Variants in WNK2 observed in about 807,000 individuals in gnomAD.
WNK2 encodes WNK lysine deficient protein kinase 2.
In WNK2, 67 loss-of-function variants were observed where a neutral mutation model predicts 192.1. That is an observed-to-expected ratio of 0.35 (90% CI 0.29 to 0.43). The LOEUF is 0.43. Ranked by LOEUF, WNK2 falls within the 20% of genes least tolerant of loss-of-function variation. The pLI, the probability that WNK2 is intolerant of heterozygous loss-of-function variation, is 1.00. For synonymous variants in WNK2, 1,439 were observed against 1,393.9 expected (o/e 1.03, Z -0.72); for missense variants, 2,698 against 3,089.7 (o/e 0.87, Z 3.01).
chr9:93,306,488 T>C (rs1438762654), intron 26 of WNK2: 5 of 430,824 alleles, frequency 1.2e-5, no homozygotes, highest in Non-Finnish European at 2.0e-5. Context: ...TTCTTTTTTC[T>C]TTCTCTTTTA....
chr9:93,254,699 C>A (rs115266345), intron 9 of WNK2, among the ~76,000 whole-genome samples: 409 of 152,300 alleles, frequency 2.7e-3, no homozygotes, highest in African/African-American at 9.2e-3. Flanking sequence ...CGTGGTGGCT[C>A]ATGCCTGTAA....
In WNK2 at chr9:93,320,560, G is replaced by C; in HGVS notation, c.*168G>C. The C allele has an allele frequency of 2.7e-6, 2 of 752,766 alleles. No homozygotes were observed. The highest frequency in any genetic ancestry group is 3.8e-6 in the Non-Finnish European group (2 of 527,000). The allele number at this position is 752,766 out of a possible 1,614,324, so 46.6% of individuals were successfully genotyped here. The stretch of plus-strand genomic sequence containing the variant: ...GTAATGCAAGAATAAAAAATATTTT[G>C]GGGCAGAAAGGACTTTGGTTTTTCA... On this transcript the variant is annotated 3_prime_UTR_variant, in exon 30 of 30. Coordinates refer to ENST00000427277, the MANE Select transcript of WNK2 (RefSeq NM_006648.4).
At chr9:93,236,302 G>T (rs955179728) in intron 5 of WNK2, among the ~76,000 whole-genome samples, 1 of 152,142 alleles carries the variant, frequency 6.6e-6, no homozygotes, top group Non-Finnish European at 1.5e-5. Flanking sequence ...CCCTGGGGGT[G>T]TACACTACTG....
chr9:93,192,138 AC>A (rs1425661827), intron 2 of WNK2, among the ~76,000 whole-genome samples: 1 of 151,470 alleles, frequency 6.6e-6, no homozygotes, highest in Admixed American at 6.6e-5. Context: ...ACATGGTGAA[AC>A]CCCGTCTGTA....
At chr9:93,251,258 G>C (rs1284013387) in intron 8 of WNK2, among the ~76,000 whole-genome samples, 1 of 152,108 alleles carries the variant, frequency 6.6e-6, no homozygotes, top group Non-Finnish European at 1.5e-5. Context: ...TGGGACTACA[G>C]GTGTGTGCCA....
At chr9:93,219,374 C>T (rs1256567165) in intron 2 of WNK2, among the ~76,000 whole-genome samples, 1 of 152,248 alleles carries the variant, frequency 6.6e-6, no homozygotes, top group Non-Finnish European at 1.5e-5. Flanking sequence ...AAAGTGCACA[C>T]AAGGACAAAT....
intron 16 of WNK2, 121 bp downstream of exon 16, chr9:93,264,154 G>A: frequency 1.3e-6 from 1 of 750,402 alleles, no homozygotes; most frequent in Non-Finnish European, 2.3e-6. Context: ...TGGCCCAGGG[G>A]CTTTTCGGGA....
chr9:93,272,554 C>T (rs1846148662), intron 19 of WNK2, among the ~76,000 whole-genome samples: 1 of 152,050 alleles, frequency 6.6e-6, no homozygotes, highest in African/African-American at 2.4e-5. Context: ...GCCTGACCAA[C>T]ATGGAGAAAC....
At chr9:93,237,194 T>C (rs1377988667) in intron 5 of WNK2, among the ~76,000 whole-genome samples, 1 of 152,254 alleles carries the variant, frequency 6.6e-6, no homozygotes, top group South Asian at 2.1e-4. Context: ...TTTATCTCGC[T>C]TCATCTATGG....
rs376165019 is a variant in WNK2 at position 93,263,873 on chromosome 9, C to T, written c.3580-44C>T. 383 of 1,502,762 alleles carry T rather than the reference C, an allele frequency of 2.5e-4. 1 individual carries two copies. The highest frequency in any genetic ancestry group is 1.9e-3 in the South Asian group (146 of 78,706). The allele number at this position is 1,502,762 out of a possible 1,614,324, so 93.1% of individuals were successfully genotyped here. On this transcript the variant is annotated intron_variant, in intron 15 of 29. Coordinates refer to ENST00000427277, the MANE Select transcript of WNK2 (RefSeq NM_006648.4). The stretch of plus-strand genomic sequence containing the variant: ...GGTGTGTGGGGGTGTGGCGGGTGCA[C>T]GTGTGGGTACGCCCGTGGTGGGTGC...
At chr9:93,315,837 T>G (rs1035550318) in intron 28 of WNK2, 8 of 150,802 alleles carry the variant, frequency 5.3e-5, no homozygotes, top group African/African-American at 1.7e-4. Flanking sequence ...ATAATGGATA[T>G]AGTCTACCAA....
rs927772780 is a variant in WNK2 at position 93,289,464 on chromosome 9, C to T, written c.4710C>T (p.Ala1570=). The T allele has an allele frequency of 3.1e-6, 5 of 1,612,638 alleles. No homozygotes were observed. The highest frequency in any genetic ancestry group is 4.2e-6 in the Non-Finnish European group (5 of 1,179,542). ...LYQEHVPTSS[A]SAGTPVEVGD... ...AGGAGCACGTGCCCACCTCCTCAGCCTCAGCTGGGACCCCTGTGGAGGTGG... is the reference window on the plus strand; with the variant it reads ...AGGAGCACGTGCCCACCTCCTCAGCTTCAGCTGGGACCCCTGTGGAGGTGG... The change falls in exon 20 of 30, where the codon GCC becomes GCT. Residue 1570 remains alanine, a synonymous_variant. Coordinates refer to ENST00000427277, the MANE Select transcript of WNK2 (RefSeq NM_006648.4).
intron 26 of WNK2, 142 bp from the exon 27 acceptor site, chr9:93,306,635 C>T (rs1172668172): frequency 2.8e-5 from 30 of 1,064,854 alleles, no homozygotes; most frequent in South Asian, 9.6e-5. Context: ...TTCCCCCGGC[C>T]GGGTCGGCCC....
In WNK2 at chr9:93,245,901, C is replaced by T. The variant is rs115205743; in HGVS notation, c.1543-1642C>T. ...CCCTGCCTCAGAACTCAGTTCCCTG[C>T]CAGGAGGGCCTCTGCATAGGGTCAT... On this transcript the variant is annotated intron_variant, in intron 7 of 29. Coordinates refer to ENST00000427277, the MANE Select transcript of WNK2 (RefSeq NM_006648.4). Among the ~76,000 whole-genome samples, 794 of 152,250 alleles carry T rather than the reference C, an allele frequency of 5.2e-3. 8 individuals are homozygous for T. Among genetic ancestry groups the T allele is most frequent in the African/African-American group, 0.018 (748 of 41,542 alleles).
intron 19 of WNK2, among the ~76,000 whole-genome samples, chr9:93,288,140 C>A (rs551820034): frequency 6.6e-6 from 1 of 152,192 alleles, no homozygotes; most frequent in Admixed American, 6.5e-5. Flanking sequence ...CTCAGATGCC[C>A]GCAGTCCCTG....
intron 2 of WNK2, among the ~76,000 whole-genome samples, chr9:93,221,070 C>T (rs973879210): frequency 5.9e-5 from 9 of 152,154 alleles, no homozygotes; most frequent in Non-Finnish European, 1.3e-4. Flanking sequence ...GGGGAGGGCT[C>T]CTGCAGCCTG....
chr9:93,217,683 G>A (rs1394499446), intron 2 of WNK2, among the ~76,000 whole-genome samples: 1 of 152,162 alleles, frequency 6.6e-6, no homozygotes, highest in African/African-American at 2.4e-5. Context: ...ATCTGTTGGT[G>A]CCCCCACTCC....
At chr9:93,261,492 G>A (rs574442587) in intron 12 of WNK2, among the ~76,000 whole-genome samples, 1 of 152,316 alleles carries the variant, frequency 6.6e-6, no homozygotes, top group South Asian at 2.1e-4. Context: ...AGTGGGTGGT[G>A]GGGGCCTGGC....
At chr9:93,214,706 C>T (rs569309371) in intron 2 of WNK2, among the ~76,000 whole-genome samples, 8 of 87,724 alleles carry the variant, frequency 9.1e-5, no homozygotes, top group Admixed American at 3.6e-4. Flanking sequence ...TGCCCCCCCC[C>T]CCCCCGCCCT....
Sources: allele counts gnomAD v4.1 joint callset (sites outside exome capture counted in the v4.1 genomes callset), GRCh38; gene constraint gnomAD v4.1.1; transcripts MANE v1.5; gene names NCBI Gene and HGNC (gene_info 2026-07-23, HGNC 2026-07-21).